NUF2: variants seen among roughly 807,000 people sequenced by gnomAD.
The protein encoded by NUF2 is NUF2 component of NDC80 kinetochore complex.
A neutral mutation model predicts 61.8 loss-of-function variants in NUF2; 34 were observed. The ratio of observed to expected loss-of-function variants is 0.55; its 90% confidence interval spans 0.42 to 0.73. NUF2 has a LOEUF of 0.73. Among genes scored for constraint, NUF2 ranks in the 30% least tolerant of loss-of-function variants. The pLI, the probability that NUF2 is intolerant of heterozygous loss-of-function variation, is 0.00. For missense variants in NUF2, 445 were observed against 539.1 expected (o/e 0.83, Z 1.73); for synonymous variants, 172 against 181.6 (o/e 0.95, Z 0.42).
At chr1:163,347,480 C>A (rs1048506061) in intron 11 of NUF2, among the ~76,000 whole-genome samples, 1 of 152,124 alleles carries the variant, frequency 6.6e-6, no homozygotes, top group East Asian at 1.9e-4. Context: ...AGATCCTAAC[C>A]CCTCAACTCT....
rs561583772 is a variant in NUF2, at chr1:163,354,545, TA to T, written c.1261-789del. Among the ~76,000 whole-genome samples the T allele has an allele frequency of 1.3e-3, 194 of 152,260 alleles. 1 individual carries two copies. Among genetic ancestry groups the T allele is most frequent in the African/African-American group, 4.7e-3 (194 of 41,576 alleles). Reference sequence around the variant, plus strand: ...CAAAATTTTAGGCTTAAGAAAAATTTAGTGGGAGAGACACTTAAAATTGAGA... The same window carrying T: ...CAAAATTTTAGGCTTAAGAAAAATTTGTGGGAGAGACACTTAAAATTGAGA... On this transcript the variant is annotated intron_variant, in intron 13 of 13. Transcript: ENST00000271452.
intron 3 of NUF2, 38 bp downstream of exon 3, chr1:163,327,600 T>G: frequency 7.9e-7 from 1 of 1,258,326 alleles, no homozygotes; most frequent in Non-Finnish European, 1.2e-6. Flanking sequence ...GGGTTTTTTT[T>G]GTTTGTTTGT....
At chr1:163,328,503 A>G in intron 4 of NUF2, 199 bp downstream of exon 4, 2 of 507,084 alleles carry the variant, frequency 3.9e-6, no homozygotes, top group South Asian at 3.5e-5. Context: ...CTTTCTCAGC[A>G]TATTTTCAAT....
Position 163,355,601 on chromosome 1 carries a change from C to T in NUF2, c.*132C>T, listed in dbSNP as rs1651461288. The T allele has an allele frequency of 1.8e-6, 1 of 544,940 alleles. No individual in the cohort carries two copies. Among genetic ancestry groups the T allele is most frequent in the Non-Finnish European group, 3.1e-6 (1 of 326,554 alleles). The allele number at this position is 544,940 out of a possible 1,614,324, so 33.8% of individuals were successfully genotyped here. ...GGCTTCATCAGTTTTTATACACTCT[C>T]ATAAGTAGTTAATAAGATGAATTTA... On this transcript the variant is annotated 3_prime_UTR_variant, in exon 14 of 14. Transcript: ENST00000271452.
At chr1:163,345,910 A>G in intron 11 of NUF2, 92 bp downstream of exon 11, 1 of 860,254 alleles carries the variant, frequency 1.2e-6, no homozygotes, top group Non-Finnish European at 1.8e-6. Flanking sequence ...ATGTTTTCCT[A>G]AAGAAAAACA....
chr1:163,330,267 A>G lies in NUF2; in HGVS notation c.337+1360A>G, dbSNP rs866696097. Among the ~76,000 whole-genome samples, 42 of 152,190 alleles carry G rather than the reference A, an allele frequency of 2.8e-4. 1 individual carries two copies. The highest frequency in any genetic ancestry group is 4.4e-5 in the Non-Finnish European group (3 of 68,026). Reference sequence around the variant, plus strand: ...ACTCAGGTGAAGGAAGTTGGTGGAGAGGAGTTTGTACATGTGTGGGGACCC... The same window carrying G: ...ACTCAGGTGAAGGAAGTTGGTGGAGGGGAGTTTGTACATGTGTGGGGACCC... On this transcript the variant is annotated intron_variant, in intron 5 of 13. Transcript: ENST00000271452.
chr1:163,338,302 C>T (rs936201711), intron 7 of NUF2, among the ~76,000 whole-genome samples: 9 of 147,940 alleles, frequency 6.1e-5, no homozygotes, highest in African/African-American at 9.9e-5. Flanking sequence ...CATCCTTTGG[C>T]TTTTGTTGTT....
chr1:163,336,891 A>G (rs1256030367), intron 6 of NUF2, 43 bp downstream of exon 6: 1 of 1,182,736 alleles, frequency 8.5e-7, no homozygotes, highest in Admixed American at 1.7e-5. Flanking sequence ...CAGATCAGTA[A>G]CATTATTTAT....
At chr1:163,348,615 A>G (rs1437164255) in intron 12 of NUF2, among the ~76,000 whole-genome samples, 2 of 152,142 alleles carry the variant, frequency 1.3e-5, no homozygotes, top group South Asian at 2.1e-4. Flanking sequence ...ATTCCCACCA[A>G]CAGTACCTAA....
chr1:163,327,459 G>C (rs962380859), intron 2 of NUF2, 29 bp from the exon 3 acceptor site: 1 of 1,211,662 alleles, frequency 8.3e-7, no homozygotes, highest in African/African-American at 1.5e-5. Flanking sequence ...GTTATGCATC[G>C]GAGTATTCAA....
At chr1:163,343,697 T>G (rs1438541424) in intron 9 of NUF2, 36 bp from the exon 10 acceptor site, 2 of 1,031,626 alleles carry the variant, frequency 1.9e-6, no homozygotes, top group Non-Finnish European at 2.6e-6. Context: ...TCACCAAGTT[T>G]ATTATATCTA....
At chr1:163,333,632 A>G (rs1170088517) in intron 5 of NUF2, among the ~76,000 whole-genome samples, 2 of 152,094 alleles carry the variant, frequency 1.3e-5, no homozygotes, top group African/African-American at 2.4e-5. Flanking sequence ...TTCAGTATAC[A>G]TGTATATATC....
In NUF2 at chr1:163,327,542, C is replaced by T. The variant is rs1292835761; in HGVS notation, c.178C>T (p.Arg60Ter). Reference sequence around the variant, plus strand: ...AGCCTTACAAATAGTATATGGAATTCGACTGGAACATTTTTACATGGTGAG... The same window carrying T: ...AGCCTTACAAATAGTATATGGAATTTGACTGGAACATTTTTACATGGTGAG... ...MRALQIVYGI[R>*]LEHFYMMPVN... Residue 60 changes from arginine to a stop codon, truncating the protein, a stop_gained, in exon 3 of 14, where the codon CGA (arginine) becomes TGA (stop). Transcript: ENST00000271452. LOFTEE classifies it high-confidence loss of function. 1.2e-5 allele frequency: 20 copies of T among 1,609,070 alleles called. No individual in the cohort carries two copies. The highest frequency in any genetic ancestry group is 1.6e-5 in the Non-Finnish European group (19 of 1,175,806).
At chr1:163,354,000 A>G (rs1409116145) in intron 13 of NUF2, among the ~76,000 whole-genome samples, 1 of 152,236 alleles carries the variant, frequency 6.6e-6, no homozygotes, top group Non-Finnish European at 1.5e-5. Context: ...CATAAGGAAT[A>G]TCTTCCTACC....
chr1:163,337,254 T>C (rs1650788328), intron 6 of NUF2, among the ~76,000 whole-genome samples: 1 of 152,154 alleles, frequency 6.6e-6, no homozygotes, highest in African/African-American at 2.4e-5. Flanking sequence ...GGACTGTTTG[T>C]GGTGGTGTTT....
chr1:163,347,641 A>G (rs918838579), intron 11 of NUF2, 122 bp from the exon 12 acceptor site: 12 of 708,822 alleles, frequency 1.7e-5, no homozygotes, highest in Non-Finnish European at 2.4e-5. Context: ...TTCAGGTTTT[A>G]AAGAGTTTTG....
intron 12 of NUF2, among the ~76,000 whole-genome samples, chr1:163,348,491 CA>C (rs565308966): frequency 1.3e-3 from 199 of 152,228 alleles, no homozygotes; most frequent in African/African-American, 4.5e-3. Flanking sequence ...AAAGGTGCGT[CA>C]GAGATCATCT....
chr1:163,336,567 A>G (rs556184314), intron 5 of NUF2, among the ~76,000 whole-genome samples, 184 bp from the exon 6 acceptor site: 3 of 151,706 alleles, frequency 2.0e-5, no homozygotes, highest in Admixed American at 1.3e-4. Flanking sequence ...CTTTTTTTTT[A>G]AAGTTATTAA....
intron 6 of NUF2, 57 bp downstream of exon 6, chr1:163,336,905 C>A: frequency 9.3e-7 from 1 of 1,080,814 alleles, no homozygotes; most frequent in Non-Finnish European, 1.4e-6. Context: ...TATTTATGAA[C>A]TTATAATCTG....
Sources: gnomAD v4.1 joint callset for allele counts (sites outside exome capture counted in the v4.1 genomes callset) on GRCh38, gnomAD v4.1.1 for gene constraint, MANE v1.5 for transcripts, NCBI Gene and HGNC (gene_info 2026-07-23, HGNC 2026-07-21) for gene names.